The following TTLL4 variants were observed in gnomAD, a reference collection of about 807,000 sequenced individuals.
TTLL4 encodes tubulin monoglutamylase TTLL4.
In TTLL4, 85 loss-of-function variants were observed where a neutral mutation model predicts 122.7. The ratio of observed to expected loss-of-function variants is 0.69; its 90% CI spans 0.58 to 0.83. The LOEUF is 0.83. TTLL4 is among the 40% of genes least tolerant of loss of function. TTLL4 has a pLI of 0.00. For missense variants in TTLL4, 1,363 were observed against 1,488.6 expected (o/e 0.92, Z 1.39); for synonymous variants, 553 against 563.0 (o/e 0.98, Z 0.25).
At position 218,745,741 on chromosome 2, in the gene TTLL4, A is replaced by C. The variant is rs979316323; in HGVS notation, c.1837A>C (p.Thr613Pro). The C allele has an allele frequency of 6.2e-7, 1 of 1,613,548 alleles. No homozygotes were observed. The highest frequency in any genetic ancestry group is 1.7e-5 in the Admixed American group (1 of 59,948). ...QRKLLRWKMS[T>P]VTPNIVKQTI... ...GAAGTTGCTCCGATGGAAGATGAGC[A>C]CAGTGACCCCCAACATTGTCAAGCA... The change falls in exon 7 of 20, where the codon ACA becomes CCA. Residue 613 changes from threonine to proline, a missense_variant. Physicochemically the swap from Thr to Pro is conservative, Grantham distance 38. Coordinates refer to ENST00000392102, the MANE Select transcript of TTLL4 (RefSeq NM_014640.5).
At chr2:218,721,237 A>G (rs1400969153) in intron 1 of TTLL4, among the ~76,000 whole-genome samples, 1 of 34,022 alleles carries the variant, frequency 2.9e-5, no homozygotes, top group East Asian at 2.6e-4. Flanking sequence ...TTTACCCCCA[A>G]TTAATTAATT....
Position 218,754,380 on chromosome 2 carries a change from G to A in TTLL4, c.3591G>A (p.Val1197=). The A allele has an allele frequency of 6.2e-7, 1 of 1,614,132 alleles. No homozygotes were observed. The highest frequency in any genetic ancestry group is 1.1e-5 in the South Asian group (1 of 91,076). The change falls in exon 20 of 20, where the codon GTG becomes GTA. Residue 1197 remains valine, a synonymous_variant. Coordinates refer to ENST00000392102, the MANE Select transcript of TTLL4 (RefSeq NM_014640.5). ...FQSISDSLLA[V]SP ...CAATCAGTGACTCCCTCCTGGCTGT[G>A]AGCCCATAACTGGCCTCTCTCCAAA...
In TTLL4 at chr2:218,738,840, T is replaced by C. The variant is rs1300869187; in HGVS notation, c.1164T>C (p.Phe388=). The change falls in exon 3 of 20, where the codon TTT becomes TTC. Residue 388 remains phenylalanine, a synonymous_variant. Coordinates refer to ENST00000392102, the MANE Select transcript of TTLL4 (RefSeq NM_014640.5). ...AACCTCCTGCGGTAAATCAGCAGTT[T>C]CCTCAGGAGGATGCTGGATCGGTCA... ...RWKPPAVNQQ[F]PQEDAGSVRR... The C allele has an allele frequency of 6.2e-7, 1 of 1,614,070 alleles. No individual in the cohort carries two copies. Among genetic ancestry groups the C allele is most frequent in the Non-Finnish European group, 8.5e-7 (1 of 1,180,036 alleles).
chr2:218,750,283 C>T, intron 15 of TTLL4, 137 bp downstream of exon 15: 1 of 1,183,530 alleles, frequency 8.4e-7, no homozygotes, highest in Non-Finnish European at 1.2e-6. Context: ...AGTCCACTAA[C>T]ATGCTACCAT....
intron 2 of TTLL4, among the ~76,000 whole-genome samples, chr2:218,729,779 A>G (rs1400315502): frequency 6.7e-6 from 1 of 148,892 alleles, no homozygotes; most frequent in Non-Finnish European, 1.5e-5. Flanking sequence ...AAAAAAAAAC[A>G]GGATCTTATT....
intron 16 of TTLL4, 47 bp from the exon 17 acceptor site, chr2:218,752,716 G>C: frequency 6.2e-7 from 1 of 1,605,672 alleles, no homozygotes; most frequent in East Asian, 2.2e-5. Context: ...TCTGCCCCTG[G>C]CTTACACTCT....
intron 2 of TTLL4, among the ~76,000 whole-genome samples, chr2:218,732,573 T>C (rs760010431): frequency 3.3e-5 from 5 of 152,200 alleles, no homozygotes; most frequent in Non-Finnish European, 7.3e-5. Flanking sequence ...TGCCAGACAT[T>C]ATTTGCCTCT....
chr2:218,747,979 C>G lies in TTLL4; in HGVS notation c.2379-126C>G. On this transcript the variant is annotated intron_variant, in intron 11 of 19. Transcript: ENST00000392102. This position sits in a 1 kb window ranked among gnomAD's most constrained non-coding sequence, Gnocchi z 4.7. Reference sequence around the variant, plus strand: ...TTTGCCAGTAGACACACTTCTCAGGCTCTTGTGGCTATGAAAAGATCTGTG... The same window carrying G: ...TTTGCCAGTAGACACACTTCTCAGGGTCTTGTGGCTATGAAAAGATCTGTG... 7.5e-7 allele frequency: 1 copy of G among 1,339,446 alleles called. No homozygotes were observed. The highest frequency in any genetic ancestry group is 1.0e-6 in the Non-Finnish European group (1 of 960,748). The allele number at this position is 1,339,446 out of a possible 1,614,324, so 83.0% of individuals were successfully genotyped here.
intron 16 of TTLL4, 81 bp downstream of exon 16, chr2:218,751,887 C>CTTTTTTT (rs72027596): frequency 4.4e-6 from 2 of 455,254 alleles, no homozygotes; most frequent in African/African-American, 2.4e-5. Flanking sequence ...AACAGCTTTT[C>CTTTTTTT]TTTTTTTTTT....
chr2:218,758,777 C>A (rs1175503859), downstream of TTLL4, among the ~76,000 whole-genome samples: 2 of 152,212 alleles, frequency 1.3e-5, no homozygotes, highest in African/African-American at 4.8e-5. Context: ...TTGGTAGATT[C>A]TTACAAAGTG....
In TTLL4 at chr2:218,749,363, T is replaced by C; in HGVS notation, c.2711T>C (p.Val904Ala). The C allele has an allele frequency of 1.2e-6, 2 of 1,614,144 alleles. No individual in the cohort carries two copies. Among genetic ancestry groups the C allele is most frequent in the African/African-American group, 1.3e-5 (1 of 75,036 alleles). Reference protein sequence around the residue: ...IMLDENLKPWVLEVNISPSLH... With the variant: ...IMLDENLKPWALEVNISPSLH... The stretch of plus-strand genomic sequence containing the variant: ...CTAGACGAAAACCTCAAGCCCTGGG[T>C]CCTGGAAGTCAACATTTCCCCAAGG... The change falls in exon 14 of 20, where the codon GTC becomes GCC. Residue 904 changes from valine to alanine, a missense_variant. Val to Ala is a moderately conservative substitution (Grantham distance 64). Coordinates refer to ENST00000392102, the MANE Select transcript of TTLL4 (RefSeq NM_014640.5).
intron 2 of TTLL4, among the ~76,000 whole-genome samples, chr2:218,731,708 A>G (rs1942386686): frequency 6.6e-6 from 1 of 152,224 alleles, no homozygotes; most frequent in Admixed American, 6.5e-5. Context: ...GGGGTATGGT[A>G]CTTCCTTTCT....
At chr2:218,714,205 G>T (rs1483091638) in intron 1 of TTLL4, among the ~76,000 whole-genome samples, 1 of 152,232 alleles carries the variant, frequency 6.6e-6, no homozygotes, top group African/African-American at 2.4e-5. Context: ...AGCAACACCA[G>T]CATTGAAAGG....
At chr2:218,753,312 C>A in intron 18 of TTLL4, 127 bp downstream of exon 18, 2 of 1,076,294 alleles carry the variant, frequency 1.9e-6, no homozygotes, top group Admixed American at 1.8e-5. Context: ...CTGCTTCTGT[C>A]TCACCATTCT....
At chr2:218,734,287 C>G (rs1575169377) in intron 2 of TTLL4, among the ~76,000 whole-genome samples, 1 of 152,114 alleles carries the variant, frequency 6.6e-6, no homozygotes, top group Non-Finnish European at 1.5e-5. Flanking sequence ...ATTAGGTGCC[C>G]AAACTAGTAT....
intron 1 of TTLL4, among the ~76,000 whole-genome samples, chr2:218,711,867 C>T (rs1941716247): frequency 2.4e-5 from 2 of 81,964 alleles, no homozygotes; most frequent in African/African-American, 6.6e-5. Context: ...TTCTCAGATA[C>T]TACAAATCAC....
At position 218,751,438 on chromosome 2, in the gene TTLL4, A is replaced by T. The variant is rs751548272; in HGVS notation, c.2874-266A>T. 1.2e-4 allele frequency among the ~76,000 whole-genome samples: 18 copies of T among 152,310 alleles called. 1 individual carries two copies. Among genetic ancestry groups the T allele is most frequent in the African/African-American group, 4.3e-4 (18 of 41,580 alleles). Reference sequence around the variant, plus strand: ...AAACTGAACTGAAGTATATACCACAATAAGGCTTATTGCAAGGTCCTTATT... The same window carrying T: ...AAACTGAACTGAAGTATATACCACATTAAGGCTTATTGCAAGGTCCTTATT... On this transcript the variant is annotated intron_variant, in intron 15 of 19. Transcript: ENST00000392102.
chr2:218,717,378 T>C (rs1941893671), intron 1 of TTLL4, among the ~76,000 whole-genome samples: 1 of 152,166 alleles, frequency 6.6e-6, no homozygotes, highest in South Asian at 2.1e-4. Flanking sequence ...AGAGCCCACC[T>C]GAGAAGGAGG....
chr2:218,731,547 C>T (rs1942382638), intron 2 of TTLL4, among the ~76,000 whole-genome samples: 1 of 152,198 alleles, frequency 6.6e-6, no homozygotes, highest in African/African-American at 2.4e-5. Context: ...GCCTTCATCA[C>T]AGCTTATGAA....
Sources: gnomAD v4.1 joint callset for allele counts (sites outside exome capture counted in the v4.1 genomes callset) on GRCh38, gnomAD v4.1.1 for gene constraint, Gnocchi (gnomAD v3.1) non-coding constraint, MANE v1.5 for transcripts, NCBI Gene and HGNC (gene_info 2026-07-23, HGNC 2026-07-21) for gene names.